The following MTMR3 variants were observed in gnomAD, a reference collection of about 807,000 sequenced individuals.
The protein encoded by MTMR3 is myotubularin related protein 3, also known as phosphatidylinositol-3,5-bisphosphate 3-phosphatase MTMR3.
MTMR3 carries 32 observed loss-of-function variants against 132.4 expected under a neutral mutation model. The ratio of observed to expected loss-of-function variants is 0.24; its 90% CI spans 0.18 to 0.32. MTMR3 has a LOEUF of 0.32. Ranked by LOEUF, MTMR3 falls within the 10% of genes least tolerant of loss-of-function variation. The pLI, the probability that MTMR3 is intolerant of heterozygous loss-of-function variation, is 1.00. For synonymous variants in MTMR3, 556 were observed against 550.3 expected, an observed-to-expected ratio of 1.01 and a Z score of -0.14; for missense variants, 1,216 against 1,489.6, an observed-to-expected ratio of 0.82 and a Z score of 3.02.
chr22:29,989,017 A>G (rs1395452995), intron 6 of MTMR3: 2 of 152,714 alleles, frequency 1.3e-5, no homozygotes, highest in Non-Finnish European at 2.9e-5. Flanking sequence ...CCATAACATT[A>G]TCAATTTTCA....
chr22:29,976,816 T>C (rs773601838), intron 3 of MTMR3, among the ~76,000 whole-genome samples: 11 of 152,222 alleles, frequency 7.2e-5, no homozygotes, highest in Non-Finnish European at 1.5e-4. Flanking sequence ...TTTATGATTA[T>C]GGTTGCTGTT....
rs11326857 is a variant in MTMR3 at position 29,970,497 on chromosome 22, C to CTTTTTTTTTT, written c.-84-460_-84-451dup. 3.3e-4 allele frequency among the ~76,000 whole-genome samples: 19 copies of CTTTTTTTTTT among 57,782 alleles called. 4 individuals are homozygous for CTTTTTTTTTT. The highest frequency in any genetic ancestry group is 1.5e-3 in the African/African-American group (19 of 12,700). The allele number at this position is 57,782 out of a possible 152,430, so 37.9% of individuals were successfully genotyped here. Reference sequence around the variant, plus strand: ...TACAGGCATGTGCTGCCATGACCAGCTTTTTTTTTTTTTTTTTTTTTTTTT... The same window carrying CTTTTTTTTTT: ...TACAGGCATGTGCTGCCATGACCAGCTTTTTTTTTTTTTTTTTTTTTTTTTTTTTTTTTTT... On this transcript the variant is annotated intron_variant, in intron 2 of 19. Coordinates refer to ENST00000401950, the MANE Select transcript of MTMR3 (RefSeq NM_021090.4).
At chr22:30,011,793 T>G (rs529118087) in intron 12 of MTMR3, 1 of 152,514 alleles carries the variant, frequency 6.6e-6, no homozygotes, top group Non-Finnish European at 1.5e-5. Context: ...GGGCTCATCT[T>G]GTTTTAGTCA....
intron 19 of MTMR3, chr22:30,023,488 G>T: frequency 6.2e-7 from 1 of 1,614,092 alleles, no homozygotes; most frequent in African/African-American, 1.3e-5. Context: ...AACGTGGTGA[G>T]CATTTGCAAC....
At chr22:29,896,889 A>ACG (rs2064910304) in intron 1 of MTMR3, among the ~76,000 whole-genome samples, 1 of 151,080 alleles carries the variant, frequency 6.6e-6, no homozygotes, top group Non-Finnish European at 1.5e-5. Context: ...ACACACACAC[A>ACG]CACACACACA....
At chr22:29,965,935 C>T (rs2145861160) in intron 2 of MTMR3, among the ~76,000 whole-genome samples, 1 of 148,044 alleles carries the variant, frequency 6.8e-6, no homozygotes, top group Non-Finnish European at 1.5e-5. Flanking sequence ...ACAGTGGTTT[C>T]ATGAGAGATA....
At position 30,013,424 on chromosome 22, in the gene MTMR3, T is replaced by C. The variant is rs151333099; in HGVS notation, c.1386T>C (p.His462=). The change falls in exon 14 of 20, where the codon CAT becomes CAC. Residue 462 remains histidine, a synonymous_variant. Transcript: ENST00000401950. ...ATAAATTTGCTGACCGGTGTGGTCA[T>C]GGGGAGAACTCGGATGATCTGAATG... ...FGHKFADRCG[H]GENSDDLNER... 20 of 1,614,124 alleles carry C rather than the reference T, an allele frequency of 1.2e-5. No individual in the cohort carries two copies. In the African/African-American group the frequency reaches 2.0e-4, roughly 16 times the overall value.
intron 1 of MTMR3, among the ~76,000 whole-genome samples, chr22:29,883,588 C>T (rs2064598681): frequency 6.6e-6 from 1 of 152,050 alleles, no homozygotes; most frequent in South Asian, 2.1e-4. Flanking sequence ...GGCGGCCGAG[C>T]TCGGCCCGGA....
chr22:29,953,028 A>G (rs981206662), intron 1 of MTMR3, among the ~76,000 whole-genome samples: 2 of 152,194 alleles, frequency 1.3e-5, no homozygotes, highest in African/African-American at 2.4e-5. Context: ...TACTGCCTCT[A>G]CACTCAAATT....
chr22:29,934,109 C>G (rs1410345695), intron 1 of MTMR3, among the ~76,000 whole-genome samples: 1 of 152,198 alleles, frequency 6.6e-6, no homozygotes, highest in East Asian at 1.9e-4. Flanking sequence ...AATTCCAGCA[C>G]TTTGGGAGGT....
intron 10 of MTMR3, chr22:30,007,607 G>A (rs2067300782): frequency 1.8e-6 from 1 of 556,920 alleles, no homozygotes; most frequent in African/African-American, 1.9e-5. Flanking sequence ...ACCATGGCAG[G>A]AAATGCCAGG....
chr22:30,004,330 G>T (rs2067232456), intron 9 of MTMR3: 1 of 152,192 alleles, frequency 6.6e-6, no homozygotes, highest in Non-Finnish European at 1.5e-5. Context: ...ACTGTGTTAG[G>T]TCAGCAGCCC....
chr22:29,910,728 TA>T (rs2065195591), intron 1 of MTMR3, among the ~76,000 whole-genome samples: 1 of 151,776 alleles, frequency 6.6e-6, no homozygotes, highest in East Asian at 1.9e-4. Flanking sequence ...TTTTTTTTTT[TA>T]ACCTGTTAAG....
intron 12 of MTMR3, chr22:30,010,042 A>C (rs1001124553): frequency 3.3e-5 from 5 of 152,242 alleles, no homozygotes; most frequent in African/African-American, 9.6e-5. Context: ...AAGAGGATGA[A>C]GCAGTGCCTT....
At chr22:29,958,357 T>C (rs2066242183) in intron 2 of MTMR3, among the ~76,000 whole-genome samples, 1 of 152,184 alleles carries the variant, frequency 6.6e-6, no homozygotes, top group Admixed American at 6.5e-5. Context: ...TCAGGAACTG[T>C]TGCCTTGCTA....
At chr22:29,982,503 T>G (rs1334263344) in intron 5 of MTMR3, 2 of 152,202 alleles carry the variant, frequency 1.3e-5, no homozygotes, top group African/African-American at 4.8e-5. Flanking sequence ...AATGTTATTT[T>G]ATCTATATCA....
intron 1 of MTMR3, among the ~76,000 whole-genome samples, chr22:29,905,914 A>G (rs1207208503): frequency 1.3e-5 from 2 of 152,188 alleles, no homozygotes; most frequent in South Asian, 2.1e-4. Flanking sequence ...TAGCTGTTAC[A>G]TATTAACTTT....
intron 1 of MTMR3, among the ~76,000 whole-genome samples, chr22:29,952,715 ACT>A (rs1410028487): frequency 6.6e-6 from 1 of 152,058 alleles, no homozygotes; most frequent in African/African-American, 2.4e-5. Flanking sequence ...CATGCTTTTA[ACT>A]CTCTGCTCGT....
intron 1 of MTMR3, among the ~76,000 whole-genome samples, chr22:29,915,527 T>C (rs1272305707): frequency 6.6e-6 from 1 of 152,176 alleles, no homozygotes; most frequent in Non-Finnish European, 1.5e-5. Context: ...GTTCAAGTGA[T>C]TCTCCTGCCT....
Sources: allele counts gnomAD v4.1 joint callset (sites outside exome capture counted in the v4.1 genomes callset), GRCh38; gene constraint gnomAD v4.1.1; transcripts MANE v1.5; gene names NCBI Gene and HGNC (gene_info 2026-07-23, HGNC 2026-07-21).